Variants in CATSPERG observed in about 807,000 individuals in gnomAD.
The protein encoded by CATSPERG is catsper channel auxiliary subunit gamma.
In CATSPERG, 115 loss-of-function variants were observed where a neutral mutation model predicts 145.0. The ratio of observed to expected loss-of-function variants is 0.79; its 90% CI spans 0.68 to 0.93. The LOEUF is 0.93. Ranked by LOEUF, CATSPERG falls within the 40% of genes least tolerant of loss-of-function variation. CATSPERG has a pLI of 0.00. For synonymous variants in CATSPERG, 588 were observed against 589.0 expected (o/e 1.00, Z 0.02); for missense variants, 1,296 against 1,490.1 (o/e 0.87, Z 2.14).
chr19:38,360,898 T>TGAA, intron 16 of CATSPERG, 55 bp downstream of exon 16: 1 of 1,390,454 alleles, frequency 7.2e-7, no homozygotes, highest in Non-Finnish European at 1.0e-6. Flanking sequence ...ACTGCCCTCC[T>TGAA]GAAGCTACCA....
chr19:38,343,025 C>T (rs1332558100), intron 3 of CATSPERG, among the ~76,000 whole-genome samples: 1 of 152,130 alleles, frequency 6.6e-6, no homozygotes, highest in African/African-American at 2.4e-5. Flanking sequence ...AAGTCTGCTG[C>T]AGAGAGGGTG....
At position 38,362,528 on chromosome 19, in the gene CATSPERG, C is replaced by T. The variant is rs1354391525; in HGVS notation, c.2310C>T (p.Ile770=). 6.2e-7 allele frequency: 1 copy of T among 1,613,820 alleles called. No individual in the cohort carries two copies. Among genetic ancestry groups the T allele is most frequent in the Admixed American group, 1.7e-5 (1 of 60,012 alleles). ...LDKGTEYSFA[I]FLSAQGHSFR... The stretch of plus-strand genomic sequence containing the variant: ...AGGGCACTGAGTACAGCTTCGCCAT[C>T]TTCCTGTCGGCGCAGGGCCACTCGT... The change falls in exon 19 of 29, where the codon ATC becomes ATT. Residue 770 remains isoleucine (I), a synonymous_variant. Transcript: ENST00000409235.
rs1970285269 is a variant in CATSPERG at position 38,358,429 on chromosome 19, C to G, written c.1367-3C>G. The G allele has an allele frequency of 3.7e-6, 6 of 1,614,034 alleles. No individual in the cohort carries two copies. Among genetic ancestry groups the G allele is most frequent in the African/African-American group, 2.7e-5 (2 of 74,938 alleles). ...GTGTCCTCTCTTCCTCTGCTCCGGT[C>G]AGCTCGAGGATTGGAGTTCCTGATG... On this transcript the variant is annotated splice_polypyrimidine_tract_variant and splice_region_variant and intron_variant, in intron 12 of 28. Transcript: ENST00000409235.
At position 38,358,501 on chromosome 19, in the gene CATSPERG, G is replaced by C. The variant is rs879895093; in HGVS notation, c.1436G>C (p.Gly479Ala). Residue 479 changes from glycine to alanine, a missense_variant, in exon 13 of 29, where the codon GGC becomes GCC. Transcript: ENST00000409235. Reference sequence around the variant, plus strand: ...ACCAGCACTGCAATGGCCCCCAAGGGCATCTTCTGTAACCCGTACAACAAT... The same window carrying C: ...ACCAGCACTGCAATGGCCCCCAAGGCCATCTTCTGTAACCCGTACAACAAT... ...SYTSTAMAPK[G>A]IFCNPYNNLI... The C allele has an allele frequency of 6.2e-7, 1 of 1,614,156 alleles. No homozygotes were observed. Among genetic ancestry groups the C allele is most frequent in the East Asian group, 2.2e-5 (1 of 44,876 alleles).
chr19:38,348,001 C>A (rs1032637338), intron 7 of CATSPERG, among the ~76,000 whole-genome samples: 2 of 151,770 alleles, frequency 1.3e-5, no homozygotes, highest in Non-Finnish European at 2.9e-5. Flanking sequence ...GCCCTACTCA[C>A]AATTTCTGAG....
intron 14 of CATSPERG, chr19:38,359,793 T>C (rs1021482244): frequency 4.6e-6 from 6 of 1,308,106 alleles, no homozygotes; most frequent in Admixed American, 3.2e-5. Flanking sequence ...TATGATCCGA[T>C]GTTCAGAGGC....
rs759119788 is a variant in CATSPERG at position 38,360,555 on chromosome 19, C to T, written c.1675C>T (p.His559Tyr). The change falls in exon 15 of 29, where the codon CAC becomes TAC. Residue 559 changes from histidine (H) to tyrosine (Y), a missense_variant. Physicochemically the swap from His to Tyr is moderately conservative, Grantham distance 83 (BLOSUM62 2). Transcript: ENST00000409235. ...GTTCCCTTCCAAGGGCTGGCAGGTG[C>T]ACATCAGCTTAAAGCTGATGCAACA... ...QLFPSKGWQV[H>Y]ISLKLMQQSS... 3.1e-6 allele frequency: 5 copies of T among 1,614,144 alleles called. No homozygotes were observed. The highest frequency in any genetic ancestry group is 2.7e-5 in the African/African-American group (2 of 75,042).
intron 3 of CATSPERG, among the ~76,000 whole-genome samples, chr19:38,340,174 C>G (rs575489794): frequency 6.6e-6 from 1 of 151,906 alleles, no homozygotes; most frequent in Non-Finnish European, 1.5e-5. Flanking sequence ...ATTCTTTCCC[C>G]GCTGAATTGT....
chr19:38,336,830 G>A (rs1295687357), intron 1 of CATSPERG, among the ~76,000 whole-genome samples: 1 of 151,928 alleles, frequency 6.6e-6, no homozygotes, highest in Non-Finnish European at 1.5e-5. Flanking sequence ...GTTAAAGGAA[G>A]AGACGTGGAG....
chr19:38,359,956 G>C, intron 14 of CATSPERG: 1 of 1,047,650 alleles, frequency 9.5e-7, no homozygotes, highest in Non-Finnish European at 1.2e-6. Flanking sequence ...CCGTCTGGGG[G>C]CTTGTGCATG....
Position 38,362,560 on chromosome 19 carries a change from C to A in CATSPERG, c.2342C>A (p.Thr781Lys), listed in dbSNP as rs371927859. 45 of 1,613,760 alleles carry A rather than the reference C, an allele frequency of 2.8e-5. No individual in the cohort carries two copies. The highest frequency in any genetic ancestry group is 1.6e-4 in the Middle Eastern group (1 of 6,084). The change falls in exon 19 of 29, where the codon ACG becomes AAG. Residue 781 changes from threonine (T) to lysine (K), a missense_variant. Thr to Lys is a moderately conservative substitution (Grantham distance 78). Transcript: ENST00000409235. The stretch of plus-strand genomic sequence containing the variant: ...TCGGCGCAGGGCCACTCGTTCCGGA[C>A]GCAGTCAGAACTCGGTCTGCGCGGG... ...FLSAQGHSFR[T>K]QSELGTAFQL...
chr19:38,367,270 G>T lies in CATSPERG; in HGVS notation c.2728G>T (p.Val910Phe), dbSNP rs146429794. The change falls in exon 23 of 29, where the codon GTT becomes TTT. Residue 910 changes from valine to phenylalanine, a missense_variant. By Grantham distance (50) the Val-to-Phe change is conservative. Coordinates refer to ENST00000409235, the MANE Select transcript of CATSPERG (RefSeq NM_021185.5). ...GAAGAACAAACACTACTTTGACTGC[G>T]TTAACGTGAACCCGGAGATGCCCTG... ...RLKNKHYFDC[V>F]NVNPEMPCFL... 1 of 1,613,664 alleles carries T rather than the reference G, an allele frequency of 6.2e-7. No individual in the cohort carries two copies. The highest frequency in any genetic ancestry group is 2.2e-5 in the East Asian group (1 of 44,884).
Position 38,346,470 on chromosome 19 carries a change from G to A in CATSPERG, c.690G>A (p.Gln230=). 1.3e-6 allele frequency: 2 copies of A among 1,549,160 alleles called. No homozygotes were observed. Among genetic ancestry groups the A allele is most frequent in the Non-Finnish European group, 1.7e-6 (2 of 1,144,928 alleles). ...VGEELFNLMP[Q]YFVGVSSRPL... is the part of the protein sequence containing the mutation. ...GGCAGCTCTTCAACCTGATGCCCCA[G>A]TACTTTGTGGGTGTCTCATCGAGGC... Residue 230 remains glutamine (Q), a synonymous_variant, in exon 7 of 29, where the codon CAG becomes CAA. Transcript: ENST00000409235.
rs1970473840 is a variant in CATSPERG at position 38,367,520 on chromosome 19, T to G, written c.2782T>G (p.Phe928Val). 1 of 1,614,050 alleles carries G rather than the reference T, an allele frequency of 6.2e-7. No individual in the cohort carries two copies. The highest frequency in any genetic ancestry group is 1.3e-5 in the African/African-American group (1 of 75,038). The part of the protein sequence containing the change: ...CFLFRDIFYP[F>V]FLIQDLVTGD... ...CTCCAACCCCATAGTTTTCTACCCC[T>G]TCTTCTTGATTCAAGATTTGGTGAC... is the stretch of plus-strand genomic sequence containing the variant. Residue 928 changes from phenylalanine to valine, a missense_variant, in exon 24 of 29, where the codon TTC (phenylalanine) becomes GTC (valine). Coordinates refer to ENST00000409235, the MANE Select transcript of CATSPERG (RefSeq NM_021185.5).
At chr19:38,367,347 T>C in intron 23 of CATSPERG, 35 bp downstream of exon 23, 1 of 1,596,678 alleles carries the variant, frequency 6.3e-7, no homozygotes, top group Non-Finnish European at 8.5e-7. Flanking sequence ...CACAGTTCAC[T>C]GCCCTCTTGC....
At chr19:38,369,712 G>A (rs953755347) in intron 26 of CATSPERG, 18 of 533,876 alleles carry the variant, frequency 3.4e-5, no homozygotes, top group Middle Eastern at 4.5e-4. Context: ...TACACAGCCT[G>A]TAATCTGGAT....
At chr19:38,338,005 C>T (rs1020474098) in intron 3 of CATSPERG, 2 of 225,058 alleles carry the variant, frequency 8.9e-6, no homozygotes, top group Non-Finnish European at 1.8e-5. Context: ...GTGTGAGCCA[C>T]CGTGCCTGGC....
intron 20 of CATSPERG, among the ~76,000 whole-genome samples, chr19:38,363,387 G>C: frequency 6.6e-6 from 1 of 151,872 alleles, no homozygotes; most frequent in African/African-American, 2.4e-5. Context: ...ATGTTGCCCA[G>C]GCTGGCCTCG....
chr19:38,364,962 G>A lies in CATSPERG; in HGVS notation c.2547G>A (p.Met849Ile), dbSNP rs187860202. ...ISGHHLMETSMTVNVVGSSGL... is the reference protein window; with the variant it reads ...ISGHHLMETSITVNVVGSSGL... ...GACATCACCTTATGGAGACTTCCAT[G>A]ACGGTCAATGTGAGGTCCAAGCCTG... is the stretch of plus-strand genomic sequence containing the variant. The change falls in exon 21 of 29, where the codon ATG becomes ATA. Residue 849 changes from methionine to isoleucine, a missense_variant. Physicochemically the swap from Met to Ile is conservative, Grantham distance 10 (BLOSUM62 1). Coordinates refer to ENST00000409235, the MANE Select transcript of CATSPERG (RefSeq NM_021185.5). 6.2e-7 allele frequency: 1 copy of A among 1,613,934 alleles called. No homozygotes were observed. The highest frequency in any genetic ancestry group is 2.2e-5 in the East Asian group (1 of 44,886).
Sources: allele counts gnomAD v4.1 joint callset (sites outside exome capture counted in the v4.1 genomes callset), GRCh38; gene constraint gnomAD v4.1.1; transcripts MANE v1.5; gene names NCBI Gene and HGNC (gene_info 2026-07-23, HGNC 2026-07-21).